The following SLC38A6 variants were observed in gnomAD, a reference collection of about 807,000 sequenced individuals.
The protein encoded by SLC38A6 is N system amino acid transporter NAT-1.
A neutral mutation model predicts 65.0 loss-of-function variants in SLC38A6; 73 were observed. The observed-to-expected ratio is 1.12, with a 90% confidence interval of 0.93 to 1.37. The LOEUF is 1.37. SLC38A6 is among the 40% of genes most tolerant of loss of function. SLC38A6 has a pLI of 0.00. For synonymous variants in SLC38A6, 183 were observed against 178.8 expected, an observed-to-expected ratio of 1.02 and a Z score of -0.19; for missense variants, 561 against 531.1, an observed-to-expected ratio of 1.06 and a Z score of -0.55.
chr14:61,000,740 C>T (rs1161824408), intron 3 of SLC38A6, among the ~76,000 whole-genome samples: 1 of 152,146 alleles, frequency 6.6e-6, no homozygotes, highest in East Asian at 1.9e-4. Flanking sequence ...AGCTGACAGC[C>T]CTCTCTCCCC....
At chr14:61,005,145 C>T (rs1034699418) in intron 3 of SLC38A6, among the ~76,000 whole-genome samples, 2 of 151,954 alleles carry the variant, frequency 1.3e-5, no homozygotes, top group Non-Finnish European at 2.9e-5. Context: ...CCCATTCATG[C>T]TAAAAACAAT....
intron 8 of SLC38A6, among the ~76,000 whole-genome samples, 162 bp from the exon 9 acceptor site, chr14:61,042,985 C>G (rs369292910): frequency 6.6e-6 from 1 of 152,170 alleles, no homozygotes; most frequent in Non-Finnish European, 1.5e-5. Context: ...CCACAGGTGA[C>G]CATGTTAAAT....
At chr14:61,012,651 C>G (rs1048388865) in intron 3 of SLC38A6, among the ~76,000 whole-genome samples, 1 of 152,208 alleles carries the variant, frequency 6.6e-6, no homozygotes, top group African/African-American at 2.4e-5. Context: ...ACCCAGTAGT[C>G]ATTCAGGAGC....
intron 15 of SLC38A6, among the ~76,000 whole-genome samples, chr14:61,069,070 CA>C (rs1483132470): frequency 2.6e-5 from 4 of 152,122 alleles, no homozygotes; most frequent in Non-Finnish European, 5.9e-5. Flanking sequence ...GGCAACTTTG[CA>C]AAAATTACCA....
At chr14:61,076,155 T>G (rs184870492) in intron 15 of SLC38A6, among the ~76,000 whole-genome samples, 1 of 152,230 alleles carries the variant, frequency 6.6e-6, no homozygotes, top group African/African-American at 2.4e-5. Context: ...ACACCCGGCC[T>G]TCAACTCAAC....
At chr14:61,043,693 C>CTTTTT (rs34559752) in intron 10 of SLC38A6, among the ~76,000 whole-genome samples, 190 bp downstream of exon 10, 2 of 107,344 alleles carry the variant, frequency 1.9e-5, no homozygotes, top group Non-Finnish European at 3.8e-5. Flanking sequence ...AAACAGCCAC[C>CTTTTT]TTTTTTTTTT....
intron 16 of SLC38A6, among the ~76,000 whole-genome samples, chr14:61,081,381 T>A (rs968950137): frequency 6.6e-6 from 1 of 152,196 alleles, no homozygotes; most frequent in African/African-American, 2.4e-5. Flanking sequence ...AGACCCATCT[T>A]CCCAGGTCCA....
intron 15 of SLC38A6, among the ~76,000 whole-genome samples, chr14:61,072,060 A>G (rs1254196992): frequency 6.6e-6 from 1 of 152,140 alleles, no homozygotes; most frequent in Non-Finnish European, 1.5e-5. Context: ...GGGAAATCCA[A>G]TATCAAGGTA....
chr14:60,984,768 C>T lies in SLC38A6; in HGVS notation c.275C>T (p.Ser92Leu), dbSNP rs2037328309. The change falls in exon 3 of 16, where the codon TCA becomes TTA. Residue 92 changes from serine to leucine, a missense_variant. Transcript: ENST00000267488. ...ACAGTTGCTCTCCTGGCTTCTTACT[C>T]AGTCCATCTTCTGCTTAGTATGTGT... is the stretch of plus-strand genomic sequence containing the variant. ...LLTVALLASYSVHLLLSMCIQ... is the reference protein window; with the variant it reads ...LLTVALLASYLVHLLLSMCIQ... The T allele has an allele frequency of 1.2e-6, 2 of 1,613,778 alleles. No individual in the cohort carries two copies. Among genetic ancestry groups the T allele is most frequent in the African/African-American group, 2.7e-5 (2 of 74,926 alleles).
At chr14:61,012,378 A>G (rs1296583812) in intron 3 of SLC38A6, among the ~76,000 whole-genome samples, 1 of 151,584 alleles carries the variant, frequency 6.6e-6, no homozygotes, top group East Asian at 1.9e-4. Context: ...TTGTGTCTCT[A>G]TTTCCTTCAG....
In SLC38A6 at chr14:61,043,504, G is replaced by A. The variant is rs200309894; in HGVS notation, c.744+1G>A. The stretch of plus-strand genomic sequence containing the variant: ...AAAGCTCTTTCATTTCTCCAAAGAG[G>A]TGTGTAAGTTATTAACAGATACTTT... On this transcript the variant is annotated splice_donor_variant, in intron 10 of 15. Coordinates refer to ENST00000267488, the MANE Select transcript of SLC38A6 (RefSeq NM_153811.3). LOFTEE classifies it high-confidence loss of function. 9.4e-6 allele frequency: 15 copies of A among 1,601,204 alleles called. No homozygotes were observed. In the East Asian group the frequency reaches 3.4e-4, roughly 36 times the overall value.
chr14:61,050,360 A>G (rs529123536), intron 12 of SLC38A6, 152 bp from the exon 13 acceptor site: 20 of 427,414 alleles, frequency 4.7e-5, no homozygotes, highest in South Asian at 1.0e-4. Flanking sequence ...ATATTTAATT[A>G]ATGTCTCTGT....
At chr14:61,032,013 TATATACACATGCTAA>T (rs2041026252) in intron 6 of SLC38A6, among the ~76,000 whole-genome samples, 1 of 151,882 alleles carries the variant, frequency 6.6e-6, no homozygotes, top group South Asian at 2.1e-4. Context: ...AAGTAAGATA[TATATACACATGCTAA>T]TAGCATGTGT....
intron 6 of SLC38A6, chr14:61,034,121 TA>T (rs774829921): frequency 3.3e-5 from 5 of 152,168 alleles, no homozygotes; most frequent in Non-Finnish European, 5.9e-5. Context: ...GAGGTAAAGT[TA>T]TCTTCAGTCC....
chr14:61,049,352 CTTTG>C (rs2042364982), intron 12 of SLC38A6, among the ~76,000 whole-genome samples: 2 of 152,270 alleles, frequency 1.3e-5, no homozygotes, highest in South Asian at 4.1e-4. Context: ...ATTCCCTTTG[CTTTG>C]TTTGTGCTGC....
At chr14:60,999,559 C>T (rs1228062000) in intron 3 of SLC38A6, among the ~76,000 whole-genome samples, 5 of 152,090 alleles carry the variant, frequency 3.3e-5, no homozygotes, top group African/African-American at 1.2e-4. Context: ...TAATGCTTCC[C>T]GAAAAGGTAG....
intron 16 of SLC38A6, chr14:61,083,411 A>G (rs1008099510): frequency 7.8e-7 from 1 of 1,276,742 alleles, no homozygotes; most frequent in East Asian, 2.5e-5. Flanking sequence ...TTGTGTTCCA[A>G]CCCCAAATTC....
Position 60,982,566 on chromosome 14 carries a change from T to C in SLC38A6, c.164T>C (p.Met55Thr). 2 of 1,614,086 alleles carry C rather than the reference T, an allele frequency of 1.2e-6. No homozygotes were observed. Among genetic ancestry groups the C allele is most frequent in the Non-Finnish European group, 1.7e-6 (2 of 1,179,988 alleles). The change falls in exon 2 of 16, where the codon ATG becomes ACG. Residue 55 changes from methionine to threonine, a missense_variant. Transcript: ENST00000267488. Reference sequence around the variant, plus strand: ...TTTGGTTTATCAGTGTTTAATTTGATGAATGCCATCATGGGAAGTGGCATC... The same window carrying C: ...TTTGGTTTATCAGTGTTTAATTTGACGAATGCCATCATGGGAAGTGGCATC... ...VSFGLSVFNL[M>T]NAIMGSGILG...
rs186957048 is a variant in SLC38A6 at position 61,016,220 on chromosome 14, T to A, written c.363+264T>A. Among the ~76,000 whole-genome samples the A allele has an allele frequency of 4.6e-4, 70 of 152,332 alleles. 1 individual carries two copies. The Middle Eastern group carries it at 0.02, about 44-fold the overall frequency. ...AAAGTAGCACAATGACTTGAATGAC[T>A]TTAAAAGAGTAACGATGACCTGTTT... On this transcript the variant is annotated intron_variant, in intron 4 of 15. Transcript: ENST00000267488.
Sources: gnomAD v4.1 joint callset for allele counts (sites outside exome capture counted in the v4.1 genomes callset) on GRCh38, gnomAD v4.1.1 for gene constraint, MANE v1.5 for transcripts, NCBI Gene and HGNC (gene_info 2026-07-23, HGNC 2026-07-21) for gene names.